IKZF2: variants seen among roughly 807,000 people sequenced by gnomAD.
The protein encoded by IKZF2 is zinc finger protein Helios.
Under a neutral mutation model 49.2 loss-of-function variants are expected in IKZF2, and 15 were observed. The observed-to-expected ratio is 0.30, with a 90% CI of 0.20 to 0.47. The LOEUF is 0.47. Among genes scored for constraint, IKZF2 ranks in the 20% least tolerant of loss-of-function variants. The probability of loss-of-function intolerance (pLI) is 1.00; values close to 1 mark genes in which losing one functional copy is unlikely to be tolerated. For missense variants in IKZF2, 567 were observed against 664.6 expected, an observed-to-expected ratio of 0.85 and a Z score of 1.61; for synonymous variants, 227 against 221.4, an observed-to-expected ratio of 1.03 and a Z score of -0.23.
chr2:213,054,168 C>T (rs1700934047), intron 5 of IKZF2, among the ~76,000 whole-genome samples: 1 of 151,948 alleles, frequency 6.6e-6, no homozygotes, highest in Non-Finnish European at 1.5e-5. Context: ...CGCTTGAACC[C>T]AGGAGGTGGA....
At chr2:213,087,582 T>C (rs1385341125) in intron 4 of IKZF2, among the ~76,000 whole-genome samples, 2 of 152,142 alleles carry the variant, frequency 1.3e-5, no homozygotes, top group East Asian at 3.9e-4. Context: ...GCCATGTTGG[T>C]GTGCTGCACC....
intron 5 of IKZF2, among the ~76,000 whole-genome samples, chr2:213,055,779 TA>T (rs1463892218): frequency 6.6e-6 from 1 of 152,216 alleles, no homozygotes; most frequent in East Asian, 1.9e-4. Context: ...AGGTTCGTAT[TA>T]AAAAAGACTT....
chr2:213,037,410 A>T (rs557904424), intron 6 of IKZF2, among the ~76,000 whole-genome samples: 20 of 152,366 alleles, frequency 1.3e-4, no homozygotes, highest in African/African-American at 4.1e-4. Context: ...ATATGCTATT[A>T]AAAGTTTTAC....
At chr2:213,069,455 C>T (rs950618505) in intron 4 of IKZF2, among the ~76,000 whole-genome samples, 1 of 152,234 alleles carries the variant, frequency 6.6e-6, no homozygotes, top group Middle Eastern at 3.4e-3. Flanking sequence ...TTGTCACTCT[C>T]ATCTTCCAAA....
rs914954772 is a variant in IKZF2 at position 213,046,065 on chromosome 2, A to C, written c.574+3648T>G. ...GTGTGTAGATCCCTCGTGGTTTTAT[A>C]GTAAAGACATGCAGTTTTCTAACAA... On this transcript the variant is annotated intron_variant, in intron 6 of 8. Transcript: ENST00000434687. Among the ~76,000 whole-genome samples the C allele has an allele frequency of 3.5e-5, 5 of 144,612 alleles. No individual in the cohort carries two copies. The Admixed American group carries it at 3.5e-4, about 10-fold the overall frequency. The allele number at this position is 144,612 out of a possible 152,430, so 94.9% of individuals were successfully genotyped here.
chr2:213,065,864 C>T (rs1427596319), intron 4 of IKZF2, among the ~76,000 whole-genome samples: 1 of 151,956 alleles, frequency 6.6e-6, no homozygotes, highest in Non-Finnish European at 1.5e-5. Flanking sequence ...AAGAATGATA[C>T]CTTTGAATCA....
chr2:213,147,431 C>A, intron 4 of IKZF2: 1 of 565,410 alleles, frequency 1.8e-6, no homozygotes, highest in Non-Finnish European at 3.1e-6. Flanking sequence ...ATAAACCTGG[C>A]AAGTCAAAAC....
intron 5 of IKZF2, among the ~76,000 whole-genome samples, chr2:213,054,384 C>T (rs1215154647): frequency 6.6e-6 from 1 of 152,050 alleles, no homozygotes; most frequent in Non-Finnish European, 1.5e-5. Context: ...AAAATGCAGA[C>T]TAGTTCATGG....
At chr2:213,089,977 A>G (rs2125632763) in intron 4 of IKZF2, among the ~76,000 whole-genome samples, 1 of 152,308 alleles carries the variant, frequency 6.6e-6, no homozygotes, top group South Asian at 2.1e-4. Context: ...AGGCCCAGAC[A>G]ATACAATATC....
chr2:213,129,693 T>C lies in IKZF2; in HGVS notation c.139+18015A>G, dbSNP rs560912088. Among the ~76,000 whole-genome samples, 3 of 152,314 alleles carry C rather than the reference T, an allele frequency of 2.0e-5. 1 individual carries two copies. In the South Asian group the frequency reaches 6.2e-4, roughly 32 times the overall value. ...GGGTTTTAGAAAGTCAGGCTCTGTC[T>C]ATTGTGTGGAAAACAAACTACAGAG... On this transcript the variant is annotated intron_variant, in intron 4 of 8. Coordinates refer to ENST00000434687, the MANE Select transcript of IKZF2 (RefSeq NM_001387220.1).
chr2:213,114,621 A>C (rs945704825), intron 4 of IKZF2, among the ~76,000 whole-genome samples: 12 of 152,276 alleles, frequency 7.9e-5, no homozygotes, highest in African/African-American at 2.9e-4. Flanking sequence ...ATTTTGATCA[A>C]TGCAAAAACC....
At chr2:213,052,951 T>G (rs1279540765) in intron 5 of IKZF2, among the ~76,000 whole-genome samples, 1 of 152,144 alleles carries the variant, frequency 6.6e-6, no homozygotes, top group Non-Finnish European at 1.5e-5. Flanking sequence ...CTATGAAACT[T>G]TAAAACAACA....
chr2:213,043,183 TAC>T (rs34393449), intron 6 of IKZF2, among the ~76,000 whole-genome samples: 13 of 148,756 alleles, frequency 8.7e-5, no homozygotes, highest in South Asian at 4.3e-4. Context: ...GTAAATGAAA[TAC>T]ACACACACAC....
intron 4 of IKZF2, among the ~76,000 whole-genome samples, chr2:213,086,169 G>A (rs13427107): frequency 0.035 from 5,259 of 152,202 alleles, 297 homozygotes; most frequent in African/African-American, 0.12. Context: ...CACTGTACTA[G>A]TGAACCTTAT....
At chr2:213,122,777 G>T (rs537041586) in intron 4 of IKZF2, among the ~76,000 whole-genome samples, 15 of 152,148 alleles carry the variant, frequency 9.9e-5, no homozygotes, top group Non-Finnish European at 1.6e-4. Flanking sequence ...ATCTAGCCTA[G>T]ATAATCAAAA....
intron 5 of IKZF2, among the ~76,000 whole-genome samples, chr2:213,051,169 A>G (rs1700640936): frequency 6.6e-6 from 1 of 152,068 alleles, no homozygotes; most frequent in South Asian, 2.1e-4. Flanking sequence ...CTTTTATTAA[A>G]GAAAGCTAAG....
intron 4 of IKZF2, among the ~76,000 whole-genome samples, chr2:213,135,193 T>C (rs1325318675): frequency 6.6e-6 from 1 of 152,222 alleles, no homozygotes; most frequent in Non-Finnish European, 1.5e-5. Context: ...GTTTGTTACA[T>C]GCAAGATAGA....
rs1553539346 is a variant in IKZF2, at chr2:213,005,191, T to TGTG, written c.*2168_*2169insCAC. ...CAATTATTATTTGGGAGTGGTTGGG[T>TGTG]GGGGGGGGGTGAGCGAGTCTCAAAA... is the stretch of plus-strand genomic sequence containing the variant. On this transcript the variant is annotated 3_prime_UTR_variant, in exon 9 of 9. Transcript: ENST00000434687. 1 of 76,786 alleles carries TGTG rather than the reference T, an allele frequency of 1.3e-5. No homozygotes were observed. Among genetic ancestry groups the TGTG allele is most frequent in the Non-Finnish European group, 2.8e-5 (1 of 35,870 alleles). The allele number at this position is 76,786 out of a possible 1,614,324, so 4.8% of individuals were successfully genotyped here. A position where few individuals can be genotyped will look rare whatever the true frequency, so the allele number is the denominator to read the frequency against.
chr2:213,104,464 A>G (rs1321455924), intron 4 of IKZF2, among the ~76,000 whole-genome samples: 1 of 152,150 alleles, frequency 6.6e-6, no homozygotes, highest in Non-Finnish European at 1.5e-5. Flanking sequence ...CATTCTTCCA[A>G]TCTTGTACTA....
Sources: allele counts gnomAD v4.1 joint callset (sites outside exome capture counted in the v4.1 genomes callset), GRCh38; gene constraint gnomAD v4.1.1; transcripts MANE v1.5; gene names NCBI Gene and HGNC (gene_info 2026-07-23, HGNC 2026-07-21).